The following PIBF1 variants were observed in gnomAD, a reference collection of about 807,000 sequenced individuals.
PIBF1 encodes progesterone immunomodulatory binding factor 1.
PIBF1 carries 90 observed loss-of-function variants against 112.5 expected under a neutral mutation model. The ratio of observed to expected loss-of-function variants is 0.80; its 90% CI spans 0.67 to 0.95. The LOEUF (loss-of-function observed/expected upper bound fraction) is 0.95. PIBF1 is among the 40% of genes least tolerant of loss of function. The pLI is 0.00. For synonymous variants in PIBF1, 301 were observed against 288.6 expected, an observed-to-expected ratio of 1.04 and a Z score of -0.44; for missense variants, 915 against 852.3, an observed-to-expected ratio of 1.07 and a Z score of -0.92.
intron 15 of PIBF1, chr13:72,970,815 A>C (rs1282739071): frequency 6.6e-6 from 1 of 152,182 alleles, no homozygotes; most frequent in East Asian, 1.9e-4. Context: ...TCAGTTTTAG[A>C]GACCCACATG....
chr13:72,975,193 T>C (rs1012553581), intron 16 of PIBF1, among the ~76,000 whole-genome samples: 3 of 151,726 alleles, frequency 2.0e-5, no homozygotes, highest in African/African-American at 7.3e-5. Context: ...GTACCCGGGA[T>C]TACAGGTGCA....
At position 72,907,443 on chromosome 13, in the gene PIBF1, A is replaced by G. The variant is rs145870942; in HGVS notation, c.1489-1088A>G. Among the ~76,000 whole-genome samples the G allele has an allele frequency of 1.2e-3, 184 of 152,256 alleles. 1 individual carries two copies. The highest frequency in any genetic ancestry group is 3.9e-3 in the Admixed American group (60 of 15,294). ...ATTAAATTAGTGGAACTCTATTTGC[A>G]TGAACTATTTCATGCAGAATTGTCA... On this transcript the variant is annotated intron_variant, in intron 11 of 17. Transcript: ENST00000326291.
chr13:72,896,727 T>C lies in PIBF1; in HGVS notation c.1488+2778T>C, dbSNP rs143057652. Reference sequence around the variant, plus strand: ...GAGCTTGAAGACAAGGTCTTCGAATTAACCCAATCCAAAAAAGACAAAGAA... The same window carrying C: ...GAGCTTGAAGACAAGGTCTTCGAATCAACCCAATCCAAAAAAGACAAAGAA... On this transcript the variant is annotated intron_variant, in intron 11 of 17. Transcript: ENST00000326291. Among the ~76,000 whole-genome samples the C allele has an allele frequency of 8.1e-3, 1,234 of 152,244 alleles. 9 individuals are homozygous for C. Among genetic ancestry groups the C allele is most frequent in the Middle Eastern group, 0.027 (8 of 294 alleles).
intron 17 of PIBF1, among the ~76,000 whole-genome samples, chr13:73,001,581 A>ATTTTTTTTTTTT (rs1491176240): frequency 8.4e-4 from 2 of 2,386 alleles, no homozygotes; most frequent in Non-Finnish European, 2.4e-3. Flanking sequence ...TAAGAGCTTG[A>ATTTTTTTTTTTT]CTTTTTTTTT....
Position 72,904,433 on chromosome 13 carries a change from CTTTTTTTTTTT to C in PIBF1, c.1489-4083_1489-4073del, listed in dbSNP as rs71099767. ...ATTTATCCAAAATATCAAAATATTT[CTTTTTTTTTTT>C]TTTTTTTTTTTTTTGAGGAGGAGTC... On this transcript the variant is annotated intron_variant, in intron 11 of 17. Transcript: ENST00000326291. Among the ~76,000 whole-genome samples the C allele has an allele frequency of 3.6e-4, 13 of 36,558 alleles. 1 individual carries two copies. Among genetic ancestry groups the C allele is most frequent in the African/African-American group, 1.1e-3 (10 of 8,914 alleles). The allele number at this position is 36,558 out of a possible 152,430, so 24.0% of individuals were successfully genotyped here. A position where few individuals can be genotyped will look rare whatever the true frequency, so the allele number is the denominator to read the frequency against.
chr13:72,932,456 T>A (rs1234850331), intron 14 of PIBF1, among the ~76,000 whole-genome samples: 1 of 152,236 alleles, frequency 6.6e-6, no homozygotes, highest in Non-Finnish European at 1.5e-5. Context: ...TTTATTGCAG[T>A]TCCTGACACA....
intron 17 of PIBF1, among the ~76,000 whole-genome samples, chr13:73,012,239 C>T (rs1325754585): frequency 2.6e-5 from 4 of 152,040 alleles, no homozygotes; most frequent in Non-Finnish European, 5.9e-5. Context: ...GTAATCCCAG[C>T]TACTTGGGAG....
rs142551379 is a variant in PIBF1 at position 72,833,821 on chromosome 13, C to T, written c.1098-1422C>T. 8.5e-3 allele frequency among the ~76,000 whole-genome samples: 1,301 copies of T among 152,256 alleles called. 67 individuals are homozygous for T. Among genetic ancestry groups the T allele is most frequent in the East Asian group, 9.5e-3 (49 of 5,160 alleles). ...TCTCTTCAGAGCTGTTAGGCAGGGACGTTTAAGTCTGCTGAAGCTGCACCC... is the reference window on the plus strand; with the variant it reads ...TCTCTTCAGAGCTGTTAGGCAGGGATGTTTAAGTCTGCTGAAGCTGCACCC... On this transcript the variant is annotated intron_variant, in intron 8 of 17. Coordinates refer to ENST00000326291, the MANE Select transcript of PIBF1 (RefSeq NM_006346.4).
In PIBF1 at chr13:72,827,828, A is replaced by C. The variant is rs760156188; in HGVS notation, c.1011A>C (p.Glu337Asp). ...AGCTTAGTGTTCGCTGTGCTCATGA[A>C]GAGGATCGCCTTGAAAGACTTCAAG... ...NMELSVRCAHEEDRLERLQAQ... is the reference protein window; with the variant it reads ...NMELSVRCAHDEDRLERLQAQ... The change falls in exon 8 of 18, where the codon GAA becomes GAC. Residue 337 changes from glutamate to aspartate, a missense_variant. Physicochemically the swap from Glu to Asp is conservative, Grantham distance 45 (BLOSUM62 2). Coordinates refer to ENST00000326291, the MANE Select transcript of PIBF1 (RefSeq NM_006346.4). 6.2e-7 allele frequency: 1 copy of C among 1,603,636 alleles called. No individual in the cohort carries two copies. Among genetic ancestry groups the C allele is most frequent in the Non-Finnish European group, 8.5e-7 (1 of 1,175,096 alleles).
At chr13:72,916,434 C>G (rs1036872941) in intron 12 of PIBF1, among the ~76,000 whole-genome samples, 1 of 150,420 alleles carries the variant, frequency 6.6e-6, no homozygotes, top group Non-Finnish European at 1.5e-5. Flanking sequence ...TCCCAACTTG[C>G]AGTAAAATGT....
chr13:72,845,273 A>G (rs2037818514), intron 9 of PIBF1, among the ~76,000 whole-genome samples: 1 of 151,896 alleles, frequency 6.6e-6, no homozygotes, highest in African/African-American at 2.4e-5. Context: ...GCTGAGGATG[A>G]TGGTTTCTAG....
intron 14 of PIBF1, among the ~76,000 whole-genome samples, chr13:72,933,329 G>T (rs1862743418): frequency 6.6e-6 from 1 of 152,194 alleles, no homozygotes; most frequent in African/African-American, 2.4e-5. Context: ...ATGAGCTGAG[G>T]AGTTTGAGCC....
intron 5 of PIBF1, among the ~76,000 whole-genome samples, chr13:72,805,207 A>G (rs908132511): frequency 6.6e-6 from 1 of 151,998 alleles, no homozygotes; most frequent in African/African-American, 2.4e-5. Context: ...CAGTGGCACG[A>G]TCTCGGTTCA....
chr13:72,798,130 G>T, intron 5 of PIBF1, 104 bp downstream of exon 5: 2 of 1,214,608 alleles, frequency 1.6e-6, no homozygotes, highest in Non-Finnish European at 1.1e-6. Context: ...TGAAAAATGG[G>T]ACTATGGGAT....
intron 17 of PIBF1, among the ~76,000 whole-genome samples, chr13:73,007,361 A>G (rs1031933760): frequency 2.0e-4 from 30 of 151,222 alleles, no homozygotes; most frequent in Non-Finnish European, 2.1e-4. Context: ...CAGTGGCGCA[A>G]TCTTGGCTGA....
chr13:73,010,527 T>C (rs1003107487), intron 17 of PIBF1, among the ~76,000 whole-genome samples: 3 of 151,968 alleles, frequency 2.0e-5, no homozygotes, highest in Non-Finnish European at 4.4e-5. Context: ...TGCTTGAACC[T>C]GGGAGGCGGA....
chr13:72,999,403 T>C (rs1251267667), intron 17 of PIBF1, among the ~76,000 whole-genome samples: 1 of 151,986 alleles, frequency 6.6e-6, no homozygotes, highest in African/African-American at 2.4e-5. Context: ...TTTTAACAAA[T>C]AATAAGAATC....
intron 17 of PIBF1, among the ~76,000 whole-genome samples, chr13:73,014,257 A>G (rs567098776): frequency 9.9e-4 from 150 of 152,242 alleles, no homozygotes; most frequent in African/African-American, 3.5e-3. Flanking sequence ...GCACCCAGCT[A>G]AAATTGTACC....
intron 10 of PIBF1, among the ~76,000 whole-genome samples, chr13:72,870,264 T>C (rs1326215307): frequency 6.6e-6 from 1 of 152,190 alleles, no homozygotes; most frequent in East Asian, 1.9e-4. Flanking sequence ...AACATTCCCT[T>C]CCTGTCGATT....
Sources: gnomAD v4.1 joint callset for allele counts (sites outside exome capture counted in the v4.1 genomes callset) on GRCh38, gnomAD v4.1.1 for gene constraint, MANE v1.5 for transcripts, NCBI Gene and HGNC (gene_info 2026-07-23, HGNC 2026-07-21) for gene names.